Variants in CSMD1 observed in about 807,000 individuals in gnomAD.
The protein encoded by CSMD1 is CUB and sushi domain-containing protein 1.
In CSMD1, 213 loss-of-function variants were observed where a neutral mutation model predicts 417.5. The observed-to-expected ratio is 0.51, with a 90% CI of 0.46 to 0.57. The LOEUF (loss-of-function observed/expected upper bound fraction) is 0.57, where lower values mean the gene tolerates loss of function less well. CSMD1 is among the 20% of genes least tolerant of loss of function. The probability of loss-of-function intolerance (pLI) is 0.00; values close to 1 mark genes in which losing one functional copy is unlikely to be tolerated. For synonymous variants in CSMD1, 2,862 were observed against 1,736.8 expected (o/e 1.65, Z -16.11); for missense variants, 6,923 against 4,529.7 (o/e 1.53, Z -15.17).
chr8:3,229,449 T>C (rs1798701286), intron 27 of CSMD1, among the ~76,000 whole-genome samples: 1 of 152,204 alleles, frequency 6.6e-6, no homozygotes, highest in Non-Finnish European at 1.5e-5. Flanking sequence ...ATATTTGTGA[T>C]AAATTGTCTC....
chr8:4,031,068 G>A (rs76001294), intron 4 of CSMD1, among the ~76,000 whole-genome samples: 1 of 151,990 alleles, frequency 6.6e-6, no homozygotes. Flanking sequence ...TATTCAACAA[G>A]TCTCTAGAGA....
chr8:3,354,465 G>A (rs1351422486), intron 21 of CSMD1, among the ~76,000 whole-genome samples: 1 of 143,584 alleles, frequency 7.0e-6, no homozygotes, highest in Non-Finnish European at 1.5e-5. Context: ...AACAGAAACA[G>A]AAAGTCTACC....
intron 6 of CSMD1, among the ~76,000 whole-genome samples, chr8:3,739,391 G>C (rs904728053): frequency 6.6e-6 from 1 of 152,170 alleles, no homozygotes; most frequent in African/African-American, 2.4e-5. Context: ...CAAATAGTTA[G>C]AAGACAGGAT....
chr8:3,079,570 G>T (rs1031598806), intron 49 of CSMD1, among the ~76,000 whole-genome samples: 11 of 152,172 alleles, frequency 7.2e-5, no homozygotes, highest in African/African-American at 2.7e-4. Context: ...AGGATTTTAA[G>T]ATTTACAAAA....
chr8:3,497,900 C>T (rs1383837864), intron 10 of CSMD1, among the ~76,000 whole-genome samples: 1 of 152,156 alleles, frequency 6.6e-6, no homozygotes, highest in Non-Finnish European at 1.5e-5. Flanking sequence ...GAATATTACT[C>T]TTTTGTGTGT....
chr8:4,058,084 G>A (rs1341927896), intron 3 of CSMD1, among the ~76,000 whole-genome samples: 1 of 152,138 alleles, frequency 6.6e-6, no homozygotes, highest in Non-Finnish European at 1.5e-5. Flanking sequence ...CTCATTGGTA[G>A]CTTGATGGGG....
intron 37 of CSMD1, among the ~76,000 whole-genome samples, chr8:3,179,665 A>G (rs1821189855): frequency 6.6e-6 from 1 of 152,216 alleles, no homozygotes; most frequent in South Asian, 2.1e-4. Flanking sequence ...AACTTTGAGA[A>G]TGATAAGAGC....
At chr8:2,941,981 G>C (rs911537414) in intron 69 of CSMD1, among the ~76,000 whole-genome samples, 1 of 152,150 alleles carries the variant, frequency 6.6e-6, no homozygotes, top group Non-Finnish European at 1.5e-5. Flanking sequence ...TCTCAACTCA[G>C]TCATTTATTC....
intron 5 of CSMD1, among the ~76,000 whole-genome samples, chr8:3,758,127 C>A (rs1367568570): frequency 1.3e-5 from 2 of 152,042 alleles, no homozygotes; most frequent in African/African-American, 4.8e-5. Flanking sequence ...CCACACCTGG[C>A]TAATTTTTGT....
intron 10 of CSMD1, among the ~76,000 whole-genome samples, chr8:3,529,617 G>C (rs76551516): frequency 0.011 from 1,724 of 152,288 alleles, 16 homozygotes; most frequent in East Asian, 0.026. Flanking sequence ...CGCCTAGTTC[G>C]TGATTTGTCA....
intron 1 of CSMD1, among the ~76,000 whole-genome samples, chr8:4,811,416 TCATATAA>T (rs1563461949): frequency 4.6e-5 from 7 of 152,162 alleles, no homozygotes; most frequent in African/African-American, 1.7e-4. Context: ...TTATGTTGAA[TCATATAA>T]AATTGTTGCT....
chr8:4,115,561 T>A (rs12164173), intron 3 of CSMD1, among the ~76,000 whole-genome samples: 1 of 152,098 alleles, frequency 6.6e-6, no homozygotes, highest in Non-Finnish European at 1.5e-5. Flanking sequence ...AATTTATTAT[T>A]TGGCTAATAA....
chr8:4,925,593 C>T (rs1353679842), intron 1 of CSMD1, among the ~76,000 whole-genome samples: 2 of 150,712 alleles, frequency 1.3e-5, no homozygotes, highest in Admixed American at 1.3e-4. Context: ...GTCTCCCAGG[C>T]TGGAGTGCAG....
intron 5 of CSMD1, among the ~76,000 whole-genome samples, chr8:3,819,127 T>C (rs1447563166): frequency 6.6e-6 from 1 of 152,166 alleles, no homozygotes; most frequent in African/African-American, 2.4e-5. Context: ...GGGAAAGATT[T>C]GCTGGTCTAG....
chr8:4,404,779 A>G (rs1272365772), intron 3 of CSMD1, among the ~76,000 whole-genome samples: 2 of 152,202 alleles, frequency 1.3e-5, no homozygotes, highest in Non-Finnish European at 2.9e-5. Flanking sequence ...GAATAGCCAT[A>G]AGCAAGACTT....
chr8:4,350,575 C>T (rs1432471483), intron 3 of CSMD1, among the ~76,000 whole-genome samples: 1 of 152,108 alleles, frequency 6.6e-6, no homozygotes, highest in Non-Finnish European at 1.5e-5. Flanking sequence ...ATTCAATTAA[C>T]ACTTCCACGC....
At chr8:4,453,681 C>A (rs564129961) in intron 2 of CSMD1, among the ~76,000 whole-genome samples, 1 of 152,084 alleles carries the variant, frequency 6.6e-6, no homozygotes, top group Non-Finnish European at 1.5e-5. Flanking sequence ...CCGCAGTCTA[C>A]AGACCATGCC....
chr8:4,001,077 A>T (rs553918438), intron 4 of CSMD1, among the ~76,000 whole-genome samples: 1 of 152,290 alleles, frequency 6.6e-6, no homozygotes, highest in South Asian at 2.1e-4. Flanking sequence ...ACTGACATCA[A>T]ATGATTATGA....
intron 5 of CSMD1, among the ~76,000 whole-genome samples, chr8:3,971,635 G>T (rs928602389): frequency 2.6e-5 from 4 of 152,082 alleles, no homozygotes; most frequent in Non-Finnish European, 4.4e-5. Context: ...CCTCAAGGGA[G>T]TCTCAAGACA....
Sources: allele counts gnomAD v4.1 joint callset (sites outside exome capture counted in the v4.1 genomes callset), GRCh38; gene constraint gnomAD v4.1.1; transcripts MANE v1.5; gene names NCBI Gene and HGNC (gene_info 2026-07-23, HGNC 2026-07-21).